The following PRKG1 variants were observed in gnomAD, a reference collection of about 807,000 sequenced individuals.
PRKG1 encodes cGMP-dependent protein kinase 1.
PRKG1 carries 35 observed loss-of-function variants against 88.1 expected under a neutral mutation model. The ratio of observed to expected loss-of-function variants is 0.40; its 90% CI spans 0.30 to 0.53. PRKG1 has a LOEUF of 0.53. Ranked by LOEUF, PRKG1 falls within the 20% of genes least tolerant of loss-of-function variation. The pLI is 0.59. For synonymous variants in PRKG1, 303 were observed against 292.5 expected (o/e 1.04, Z -0.37); for missense variants, 540 against 839.8 (o/e 0.64, Z 4.41).
chr10:51,820,686 G>C (rs911938790), intron 4 of PRKG1, among the ~76,000 whole-genome samples: 1 of 152,132 alleles, frequency 6.6e-6, no homozygotes, highest in Non-Finnish European at 1.5e-5. Context: ...GGAGGAAAGC[G>C]AGACTGATTT....
chr10:51,008,090 G>A (rs767135378), intron 1 of PRKG1, among the ~76,000 whole-genome samples: 1 of 152,148 alleles, frequency 6.6e-6, no homozygotes, highest in Non-Finnish European at 1.5e-5. Context: ...GGGAAAATTG[G>A]AGGAAATTGG....
chr10:51,477,329 C>G (rs1484541405), intron 3 of PRKG1, among the ~76,000 whole-genome samples: 1 of 149,418 alleles, frequency 6.7e-6, no homozygotes, highest in East Asian at 2.0e-4. Flanking sequence ...CAAACTAGAT[C>G]GAGACAAATA....
In PRKG1 at chr10:51,130,631, A is replaced by G. The variant is rs142571870; in HGVS notation, c.312-22533A>G. 2.1e-3 allele frequency among the ~76,000 whole-genome samples: 316 copies of G among 152,264 alleles called. 2 individuals are homozygous for G. Among genetic ancestry groups the G allele is most frequent in the African/African-American group, 7.4e-3 (306 of 41,540 alleles). ...CTCAATTTTCTGGTTGAACAATAAA[A>G]TATAAAAAGCTAAATAATCCTAGCA... On this transcript the variant is annotated intron_variant, in intron 1 of 17. Transcript: ENST00000373980.
Position 51,792,166 on chromosome 10 carries a change from T to G in PRKG1, c.593-12419T>G, listed in dbSNP as rs866646834. ...TTTGTAAACAGCTCACAAGTGATTG[T>G]GTGATCTTTACTATTCTTGATAAGA... On this transcript the variant is annotated intron_variant, in intron 3 of 17. Coordinates refer to ENST00000373980, the MANE Select transcript of PRKG1 (RefSeq NM_006258.4). 4.5e-4 allele frequency among the ~76,000 whole-genome samples: 68 copies of G among 152,264 alleles called. 1 individual carries two copies. The highest frequency in any genetic ancestry group is 3.4e-3 in the Middle Eastern group (1 of 294).
chr10:52,037,436 A>G (rs920203791), intron 5 of PRKG1, among the ~76,000 whole-genome samples: 1 of 152,194 alleles, frequency 6.6e-6, no homozygotes, highest in Non-Finnish European at 1.5e-5. Flanking sequence ...TTGGAGTTTT[A>G]TTTAATGTCT....
At chr10:51,162,957 G>T (rs1331561397) in intron 2 of PRKG1, among the ~76,000 whole-genome samples, 2 of 152,132 alleles carry the variant, frequency 1.3e-5, no homozygotes, top group African/African-American at 4.8e-5. Flanking sequence ...GGCCTGAGGT[G>T]ATTCCCTTGC....
chr10:51,326,201 G>T (rs187615686), intron 2 of PRKG1, among the ~76,000 whole-genome samples: 2 of 152,298 alleles, frequency 1.3e-5, no homozygotes, highest in East Asian at 3.9e-4. Flanking sequence ...GTAATAGTTT[G>T]CAAGTTCCCA....
At chr10:52,149,440 C>CT (rs1343113754) in intron 8 of PRKG1, among the ~76,000 whole-genome samples, 1 of 151,964 alleles carries the variant, frequency 6.6e-6, no homozygotes, top group Non-Finnish European at 1.5e-5. Flanking sequence ...GTTCTAACCC[C>CT]CAATGTGACT....
intron 2 of PRKG1, among the ~76,000 whole-genome samples, chr10:51,277,521 G>A (rs1362426180): frequency 1.3e-5 from 2 of 152,166 alleles, no homozygotes; most frequent in Non-Finnish European, 2.9e-5. Context: ...AGCTTGATGG[G>A]AATGGCATTG....
intron 2 of PRKG1, among the ~76,000 whole-genome samples, chr10:51,241,140 G>A (rs1268960244): frequency 6.6e-6 from 1 of 152,130 alleles, no homozygotes; most frequent in Non-Finnish European, 1.5e-5. Flanking sequence ...TTTAGCCCAA[G>A]TTCACTGAGC....
At chr10:51,215,475 G>A (rs1419732787) in intron 2 of PRKG1, among the ~76,000 whole-genome samples, 2 of 152,082 alleles carry the variant, frequency 1.3e-5, no homozygotes, top group Non-Finnish European at 2.9e-5. Context: ...AAATTTAAAT[G>A]GTAAGAACCT....
At chr10:51,948,462 A>AG (rs1843105851) in intron 5 of PRKG1, among the ~76,000 whole-genome samples, 1 of 152,100 alleles carries the variant, frequency 6.6e-6, no homozygotes, top group Non-Finnish European at 1.5e-5. Flanking sequence ...ATATACTGCA[A>AG]GGGATAAGGG....
At chr10:51,807,944 C>T (rs563092064) in intron 4 of PRKG1, among the ~76,000 whole-genome samples, 13 of 152,148 alleles carry the variant, frequency 8.5e-5, no homozygotes, top group South Asian at 4.1e-4. Flanking sequence ...CTGAGGCCTT[C>T]CCTTCAGGGT....
At chr10:51,020,552 T>A (rs902317994) in intron 1 of PRKG1, among the ~76,000 whole-genome samples, 7 of 152,254 alleles carry the variant, frequency 4.6e-5, no homozygotes, top group Middle Eastern at 6.8e-3. Context: ...AAATAATGCT[T>A]TAAAAATATG....
intron 9 of PRKG1, among the ~76,000 whole-genome samples, chr10:52,176,112 G>A (rs1034299882): frequency 1.4e-5 from 2 of 146,918 alleles, no homozygotes; most frequent in African/African-American, 2.5e-5. Flanking sequence ...TTATTATTGA[G>A]TTTTGCAGTT....
chr10:51,839,975 A>C (rs1209703893), intron 4 of PRKG1, among the ~76,000 whole-genome samples: 3 of 152,232 alleles, frequency 2.0e-5, no homozygotes, highest in Non-Finnish European at 4.4e-5. Context: ...TCAGTAAGTG[A>C]CAGCCCTGTT....
intron 5 of PRKG1, among the ~76,000 whole-genome samples, chr10:51,937,712 A>T (rs7100138): frequency 0.08 from 12,135 of 152,084 alleles, 1,325 homozygotes; most frequent in African/African-American, 0.25. Context: ...GATAGTCTCT[A>T]CTCAGGAATA....
intron 2 of PRKG1, among the ~76,000 whole-genome samples, chr10:51,290,041 G>T (rs1334117436): frequency 6.6e-6 from 1 of 152,050 alleles, no homozygotes; most frequent in African/African-American, 2.4e-5. Context: ...TTGATAATTT[G>T]CTGTCATCAA....
chr10:52,134,304 T>G (rs1260174756), intron 8 of PRKG1, among the ~76,000 whole-genome samples: 1 of 152,162 alleles, frequency 6.6e-6, no homozygotes, highest in African/African-American at 2.4e-5. Flanking sequence ...AAGAAATGGG[T>G]TATTTTTTTA....
Sources: gnomAD v4.1 joint callset for allele counts (sites outside exome capture counted in the v4.1 genomes callset) on GRCh38, gnomAD v4.1.1 for gene constraint, MANE v1.5 for transcripts, NCBI Gene and HGNC (gene_info 2026-07-23, HGNC 2026-07-21) for gene names.